The following CFAP74 variants were observed in gnomAD, a reference collection of about 807,000 sequenced individuals.
CFAP74 encodes cilia- and flagella-associated protein 74.
A neutral mutation model predicts 188.9 loss-of-function variants in CFAP74; 124 were observed. The ratio of observed to expected loss-of-function variants is 0.66; its 90% CI spans 0.57 to 0.76. CFAP74 has a LOEUF of 0.76. Ranked by LOEUF, CFAP74 falls within the 30% of genes least tolerant of loss-of-function variation. CFAP74 has a pLI of 0.00. For synonymous variants in CFAP74, 956 were observed against 916.7 expected, an observed-to-expected ratio of 1.04 and a Z score of -0.77; for missense variants, 2,198 against 2,165.2, an observed-to-expected ratio of 1.02 and a Z score of -0.30.
chr1:1,926,298 T>C lies in CFAP74; in HGVS notation c.3878A>G (p.His1293Arg). The stretch of plus-strand genomic sequence containing the variant: ...CCCACCTGCACGCAGCAGGCTGGAG[T>C]GGTTCAGCAGGACAAAGGGGCCGTT... ...NPNGPFVLLNHSSLLRAGGTQ... is the reference protein window; with the variant it reads ...NPNGPFVLLNRSSLLRAGGTQ... The change falls in exon 32 of 39, where the codon CAC (histidine) becomes CGC (arginine). Residue 1293 changes from histidine to arginine, a missense_variant. Transcript: ENST00000682832. The C allele has an allele frequency of 6.5e-7, 1 of 1,545,058 alleles. No homozygotes were observed. Among genetic ancestry groups the C allele is most frequent in the Non-Finnish European group, 8.7e-7 (1 of 1,144,124 alleles).
At position 1,958,514 on chromosome 1, in the gene CFAP74, C is replaced by G. The variant is rs372706843; in HGVS notation, c.1851+606G>C. On this transcript the variant is annotated intron_variant, in intron 16 of 38. Coordinates refer to ENST00000682832, the MANE Select transcript of CFAP74 (RefSeq NM_001304360.2). ...TGCTGTGTGGCAGGTGCGGTGCGAG[C>G]TGACCAATTACTCGGCGGGGGCCGG... Among the ~76,000 whole-genome samples the G allele has an allele frequency of 4.1e-4, 62 of 152,338 alleles. 1 individual carries two copies. In the East Asian group the frequency reaches 7.7e-3, roughly 19 times the overall value.
intron 6 of CFAP74, among the ~76,000 whole-genome samples, chr1:1,979,912 T>C (rs1656721857): frequency 6.7e-6 from 1 of 149,592 alleles, no homozygotes; most frequent in Admixed American, 6.7e-5. Context: ...TGGGAAGGTG[T>C]CACGTGACGA....
intron 12 of CFAP74, among the ~76,000 whole-genome samples, chr1:1,966,031 T>C (rs1439957067): frequency 3.3e-5 from 5 of 152,216 alleles, no homozygotes; most frequent in Admixed American, 2.0e-4. Context: ...GCTTCTCCAA[T>C]AGTACACGGA....
At chr1:1,960,616 T>G (rs561251669) in intron 14 of CFAP74, among the ~76,000 whole-genome samples, 28 of 152,382 alleles carry the variant, frequency 1.8e-4, no homozygotes, top group African/African-American at 6.5e-4. Context: ...CAGGCTGATT[T>G]CACAAGGTTG....
rs1471905702 is a variant in CFAP74, at chr1:1,940,349, C to G, written c.2670G>C (p.Leu890=). The change falls in exon 23 of 39, where the codon CTG becomes CTC. Residue 890 remains leucine (L), a synonymous_variant. Coordinates refer to ENST00000682832, the MANE Select transcript of CFAP74 (RefSeq NM_001304360.2). ...GRYFDKETRV[L]EAPMTIWVAD... is the part of the protein sequence containing the mutation. ...CAACCCATATGGTCATCGGGGCCTCCAGGACTCGGGTCTCCTTGTCAAAAT... is the reference window on the plus strand; with the variant it reads ...CAACCCATATGGTCATCGGGGCCTCGAGGACTCGGGTCTCCTTGTCAAAAT... The G allele has an allele frequency of 1.3e-6, 2 of 1,535,692 alleles. No individual in the cohort carries two copies. The highest frequency in any genetic ancestry group is 2.7e-5 in the African/African-American group (2 of 73,036).
At chr1:1,925,317 AAGGCATGAGGGCACAC>A (rs1651794047) in intron 33 of CFAP74, among the ~76,000 whole-genome samples, 7 of 151,142 alleles carry the variant, frequency 4.6e-5, no homozygotes, top group East Asian at 2.0e-4. Context: ...CGCTGGTGTG[AAGGCATGAGGGCACAC>A]GCTGGTGTGA....
intron 10 of CFAP74, among the ~76,000 whole-genome samples, chr1:1,969,171 TCCTGCCCAGC>T (rs1318171314): frequency 2.2e-4 from 28 of 125,826 alleles, no homozygotes; most frequent in African/African-American, 3.4e-4. Context: ...TCCTGCTCAG[TCCTGCCCAGC>T]CCTGCCCAGC....
At chr1:1,948,004 C>T (rs1653888692) in intron 18 of CFAP74, among the ~76,000 whole-genome samples, 1 of 152,132 alleles carries the variant, frequency 6.6e-6, no homozygotes, top group African/African-American at 2.4e-5. Context: ...TTCCGAGTAG[C>T]TGGGATTACA....
intron 6 of CFAP74, among the ~76,000 whole-genome samples, chr1:1,977,323 G>A (rs1656513333): frequency 6.6e-6 from 1 of 152,174 alleles, no homozygotes; most frequent in African/African-American, 2.4e-5. Flanking sequence ...ACATTTGAGG[G>A]TATCTGCACA....
chr1:1,941,237 C>T (rs1211315067), intron 22 of CFAP74, among the ~76,000 whole-genome samples: 1 of 152,238 alleles, frequency 6.6e-6, no homozygotes, highest in Non-Finnish European at 1.5e-5. Flanking sequence ...AAGCTCAGCT[C>T]CGCCCTGTTC....
chr1:1,969,290 G>A (rs1251028261), intron 10 of CFAP74, among the ~76,000 whole-genome samples: 3 of 112,370 alleles, frequency 2.7e-5, no homozygotes, highest in African/African-American at 1.0e-4. Context: ...GCCCAGCCCA[G>A]GCCTTCCCAG....
chr1:1,923,074 T>C lies in CFAP74; in HGVS notation c.4594A>G (p.Ile1532Val). ...LRPILVTLDY[I>V]QFDTDTPAPP... Reference sequence around the variant, plus strand: ...GCTGGCGTGTCTGTGTCAAACTGGATGTAGTCCAGGGTCACCAGGATGGGC... The same window carrying C: ...GCTGGCGTGTCTGTGTCAAACTGGACGTAGTCCAGGGTCACCAGGATGGGC... The change falls in exon 37 of 39, where the codon ATC becomes GTC. Residue 1532 changes from isoleucine to valine, a missense_variant. Physicochemically the swap from Ile to Val is conservative, Grantham distance 29. Coordinates refer to ENST00000682832, the MANE Select transcript of CFAP74 (RefSeq NM_001304360.2). The surrounding 1 kb of genome is among the most constrained non-coding windows in gnomAD (Gnocchi z 6.3). 6.2e-7 allele frequency: 1 copy of C among 1,609,452 alleles called. No homozygotes were observed. The highest frequency in any genetic ancestry group is 1.7e-5 in the Admixed American group (1 of 58,784).
intron 37 of CFAP74, 43 bp downstream of exon 37, chr1:1,922,942 C>T (rs773793852): frequency 9.1e-6 from 14 of 1,533,370 alleles, no homozygotes; most frequent in East Asian, 4.5e-5. Context: ...CAGGGGAGGC[C>T]GAGGGGGCTG....
At chr1:1,970,247 C>T (rs1209601536) in intron 10 of CFAP74, among the ~76,000 whole-genome samples, 1 of 152,250 alleles carries the variant, frequency 6.6e-6, no homozygotes, top group Admixed American at 6.5e-5. Flanking sequence ...CGGCCCTGGA[C>T]AGGGAGTGAG....
rs751971776 is a variant in CFAP74 at position 1,988,500 on chromosome 1, G to T, written c.296+12C>A. 4 of 1,609,688 alleles carry T rather than the reference G, an allele frequency of 2.5e-6. No individual in the cohort carries two copies. The highest frequency in any genetic ancestry group is 2.5e-6 in the Non-Finnish European group (3 of 1,179,926). ...AAGAGGTGCAGGTGCAGCGGCCTCA[G>T]CCCCAGCTCACCTCATCTTCTCAGT... On this transcript the variant is annotated intron_variant, in intron 4 of 38. Coordinates refer to ENST00000682832, the MANE Select transcript of CFAP74 (RefSeq NM_001304360.2).
chr1:1,981,018 C>T (rs904009206), intron 6 of CFAP74, among the ~76,000 whole-genome samples: 44 of 152,230 alleles, frequency 2.9e-4, no homozygotes, highest in Non-Finnish European at 6.0e-4. Flanking sequence ...CGGCCAGCCT[C>T]GTGGCCGCCA....
intron 11 of CFAP74, among the ~76,000 whole-genome samples, chr1:1,967,306 G>C (rs1570934785): frequency 6.6e-6 from 1 of 152,260 alleles, no homozygotes; most frequent in East Asian, 1.9e-4. Context: ...GGGTAGACAG[G>C]GTTCTTCTTC....
chr1:1,974,494 G>T (rs1656312037), intron 6 of CFAP74, among the ~76,000 whole-genome samples: 1 of 152,230 alleles, frequency 6.6e-6, no homozygotes, highest in Admixed American at 6.5e-5. Flanking sequence ...GGTGGGCCTG[G>T]GGCAGGCCCT....
chr1:1,988,375 C>G (rs1657369361), intron 4 of CFAP74, 137 bp downstream of exon 4: 3 of 1,051,264 alleles, frequency 2.9e-6, no homozygotes, highest in Non-Finnish European at 4.2e-6. Context: ...AGAACTGCTC[C>G]TCCATGGAGA....
Sources: allele counts gnomAD v4.1 joint callset (sites outside exome capture counted in the v4.1 genomes callset), GRCh38; gene constraint gnomAD v4.1.1; non-coding constraint Gnocchi (gnomAD v3.1); transcripts MANE v1.5; gene names NCBI Gene and HGNC (gene_info 2026-07-23, HGNC 2026-07-21).